The following SGCZ variants were observed in gnomAD, a reference collection of about 807,000 sequenced individuals.
The protein encoded by SGCZ is sarcoglycan zeta.
A neutral mutation model predicts 41.3 loss-of-function variants in SGCZ; 40 were observed. The ratio of observed to expected loss-of-function variants is 0.97; its 90% confidence interval spans 0.75 to 1.26. The LOEUF (loss-of-function observed/expected upper bound fraction) is 1.26, where lower values mean the gene tolerates loss of function less well. SGCZ is among the 50% of genes most tolerant of loss of function. The pLI, the probability that SGCZ is intolerant of heterozygous loss-of-function variation, is 0.00. For missense variants in SGCZ, 552 were observed against 369.8 expected, an observed-to-expected ratio of 1.49 and a Z score of -4.04; for synonymous variants, 206 against 137.5, an observed-to-expected ratio of 1.50 and a Z score of -3.49.
chr8:14,194,937 C>A (rs559070952), intron 4 of SGCZ, among the ~76,000 whole-genome samples: 1 of 152,088 alleles, frequency 6.6e-6, no homozygotes, highest in East Asian at 1.9e-4. Flanking sequence ...CCAAAGAAAC[C>A]TCACGTGCAG....
intron 1 of SGCZ, among the ~76,000 whole-genome samples, chr8:15,130,779 T>C (rs2045402): frequency 0.66 from 99,684 of 152,060 alleles, 34,861 homozygotes; most frequent in Non-Finnish European, 0.78. Context: ...CTACCTAAGA[T>C]TATATGCCTA....
intron 4 of SGCZ, among the ~76,000 whole-genome samples, chr8:14,177,766 C>A (rs1342441373): frequency 6.7e-6 from 1 of 149,752 alleles, no homozygotes; most frequent in Non-Finnish European, 1.5e-5. Context: ...CCTCGTGATC[C>A]ATTCGCCTCA....
intron 1 of SGCZ, among the ~76,000 whole-genome samples, chr8:14,560,628 C>G (rs1365105022): frequency 2.6e-5 from 4 of 151,986 alleles, no homozygotes; most frequent in African/African-American, 7.2e-5. Context: ...CTAGAATGTT[C>G]TATTTCTACA....
chr8:14,934,475 T>C (rs1800020487), intron 1 of SGCZ, among the ~76,000 whole-genome samples: 1 of 151,750 alleles, frequency 6.6e-6, no homozygotes, highest in African/African-American at 2.4e-5. Context: ...TAAATGGACA[T>C]TTTACAAAGG....
chr8:14,691,787 TA>T (rs1808806570), intron 1 of SGCZ, among the ~76,000 whole-genome samples: 2 of 151,384 alleles, frequency 1.3e-5, no homozygotes, highest in Admixed American at 1.3e-4. Flanking sequence ...AAAACTGCAA[TA>T]AAATTTTTTT....
At chr8:14,525,343 A>T (rs1490822482) in intron 2 of SGCZ, among the ~76,000 whole-genome samples, 2 of 152,288 alleles carry the variant, frequency 1.3e-5, no homozygotes, top group Non-Finnish European at 2.9e-5. Flanking sequence ...TCCTGGACTA[A>T]AAATAATGTT....
At chr8:14,789,505 T>C (rs570452706) in intron 1 of SGCZ, among the ~76,000 whole-genome samples, 11 of 152,242 alleles carry the variant, frequency 7.2e-5, no homozygotes, top group Middle Eastern at 3.2e-3. Context: ...AGTTTCATGA[T>C]ATAATTTCCA....
chr8:14,169,339 G>C (rs1447153841), intron 4 of SGCZ, among the ~76,000 whole-genome samples: 1 of 152,086 alleles, frequency 6.6e-6, no homozygotes, highest in East Asian at 1.9e-4. Context: ...CTTCTTGAAA[G>C]CATCTTATTG....
chr8:14,430,085 C>G (rs1443890179), intron 2 of SGCZ, among the ~76,000 whole-genome samples: 1 of 152,044 alleles, frequency 6.6e-6, no homozygotes, highest in Non-Finnish European at 1.5e-5. Flanking sequence ...TCTCCAAGAC[C>G]AGACAGATTC....
intron 1 of SGCZ, among the ~76,000 whole-genome samples, chr8:14,707,979 T>G (rs1419948400): frequency 6.6e-6 from 1 of 152,008 alleles, no homozygotes; most frequent in Non-Finnish European, 1.5e-5. Flanking sequence ...TTAACAAACA[T>G]GTAGGACAAA....
intron 2 of SGCZ, among the ~76,000 whole-genome samples, chr8:14,462,011 A>T (rs1190179239): frequency 6.6e-6 from 1 of 152,064 alleles, no homozygotes; most frequent in Non-Finnish European, 1.5e-5. Flanking sequence ...ACCTCATTCA[A>T]TTATTAATTA....
intron 4 of SGCZ, among the ~76,000 whole-genome samples, chr8:14,171,408 C>G (rs1341914966): frequency 6.6e-6 from 1 of 152,054 alleles, no homozygotes; most frequent in East Asian, 1.9e-4. Context: ...CATCTTTCCT[C>G]TAAACTATAT....
chr8:14,814,260 C>A (rs551777987), intron 1 of SGCZ, among the ~76,000 whole-genome samples: 3 of 152,150 alleles, frequency 2.0e-5, no homozygotes, highest in African/African-American at 7.2e-5. Context: ...GACCTGACTA[C>A]GCCTCTACCT....
At chr8:14,161,105 G>A (rs948660363) in intron 5 of SGCZ, among the ~76,000 whole-genome samples, 1 of 152,134 alleles carries the variant, frequency 6.6e-6, no homozygotes, top group Non-Finnish European at 1.5e-5. Context: ...TTTATATGAA[G>A]CACCCTGGAG....
At chr8:14,999,355 G>C (rs757673823) in intron 1 of SGCZ, among the ~76,000 whole-genome samples, 1 of 152,154 alleles carries the variant, frequency 6.6e-6, no homozygotes, top group African/African-American at 2.4e-5. Context: ...GTCAGAAAAA[G>C]AGACCAGGAT....
intron 1 of SGCZ, among the ~76,000 whole-genome samples, chr8:14,809,863 G>C (rs1801687269): frequency 6.6e-6 from 1 of 152,194 alleles, no homozygotes; most frequent in East Asian, 1.9e-4. Flanking sequence ...CAAGCCATAA[G>C]AAATGTTTTG....
chr8:15,057,070 G>T (rs902418159), intron 1 of SGCZ, among the ~76,000 whole-genome samples: 2 of 152,134 alleles, frequency 1.3e-5, no homozygotes, highest in South Asian at 2.1e-4. Context: ...CCCTTAATTG[G>T]GTGCACATGC....
At chr8:14,464,547 C>A (rs1338638068) in intron 2 of SGCZ, among the ~76,000 whole-genome samples, 1 of 148,454 alleles carries the variant, frequency 6.7e-6, no homozygotes, top group Non-Finnish European at 1.5e-5. Context: ...TTTCAAAGAA[C>A]CTAATTTGTA....
chr8:14,630,623 A>C lies in SGCZ; in HGVS notation c.40-75697T>G, dbSNP rs185890112. Among the ~76,000 whole-genome samples the C allele has an allele frequency of 8.9e-3, 1,348 of 152,196 alleles. 19 individuals carry two copies. Among genetic ancestry groups the C allele is most frequent in the African/African-American group, 0.031 (1,279 of 41,514 alleles). On this transcript the variant is annotated intron_variant, in intron 1 of 7. Coordinates refer to ENST00000382080, the MANE Select transcript of SGCZ (RefSeq NM_139167.4). ...AATAGCAAAGACTTGGAACCAACCCAAATGTCCAAAAATGATAGACTGGAT... is the reference window on the plus strand; with the variant it reads ...AATAGCAAAGACTTGGAACCAACCCCAATGTCCAAAAATGATAGACTGGAT...
Sources: allele counts gnomAD v4.1 joint callset (sites outside exome capture counted in the v4.1 genomes callset), GRCh38; gene constraint gnomAD v4.1.1; transcripts MANE v1.5; gene names NCBI Gene and HGNC (gene_info 2026-07-23, HGNC 2026-07-21).